RASGEF1B: variants seen among roughly 807,000 people sequenced by gnomAD.
RASGEF1B encodes the protein RasGEF domain family member 1B.
Under a neutral mutation model 65.7 loss-of-function variants are expected in RASGEF1B, and 30 were observed. That is an observed-to-expected ratio of 0.46 (90% CI 0.34 to 0.62). The LOEUF (loss-of-function observed/expected upper bound fraction) is 0.62, where lower values mean the gene tolerates loss of function less well. Among genes scored for constraint, RASGEF1B ranks in the 20% least tolerant of loss-of-function variants. RASGEF1B has a pLI of 0.01. For synonymous variants in RASGEF1B, 175 were observed against 194.8 expected, an observed-to-expected ratio of 0.90 and a Z score of 0.85; for missense variants, 495 against 580.1, an observed-to-expected ratio of 0.85 and a Z score of 1.51.
In RASGEF1B at chr4:81,445,821, C is replaced by T; in HGVS notation, c.747G>A (p.Arg249=). Residue 249 remains arginine (R), a synonymous_variant, in exon 7 of 14, where the codon CGG becomes CGA. Coordinates refer to ENST00000264400, the MANE Select transcript of RASGEF1B (RefSeq NM_152545.3). ...LDNDKSCYSE[R]KKTRNLEAYV... ...AAGCTTCTAAGTTTCGTGTTTTCTT[C>T]CGTTCACTGTAGCAACTCTTTAGAG... 1.2e-6 allele frequency: 2 copies of T among 1,613,856 alleles called. 1 individual carries two copies. The highest frequency in any genetic ancestry group is 1.7e-6 in the Non-Finnish European group (2 of 1,179,806).
intron 4 of RASGEF1B, 197 bp downstream of exon 4, chr4:81,456,454 G>T (rs1321321409): frequency 1.4e-6 from 1 of 703,954 alleles, no homozygotes; most frequent in Non-Finnish European, 2.6e-6. Flanking sequence ...TAAAACTCTA[G>T]ATCATATCCC....
chr4:81,457,225 AG>A (rs978192119), intron 3 of RASGEF1B, among the ~76,000 whole-genome samples: 5 of 152,168 alleles, frequency 3.3e-5, no homozygotes, highest in African/African-American at 1.2e-4. Flanking sequence ...CACGTTGGCC[AG>A]GCTGGTCTCA....
chr4:81,467,165 C>T (rs555715330), intron 1 of RASGEF1B, among the ~76,000 whole-genome samples: 5 of 152,176 alleles, frequency 3.3e-5, no homozygotes, highest in Admixed American at 6.5e-5. Context: ...CTATTTCTCT[C>T]GCAATGAAAC....
intron 4 of RASGEF1B, among the ~76,000 whole-genome samples, chr4:81,450,603 C>T (rs1370229544): frequency 6.6e-6 from 1 of 151,958 alleles, no homozygotes; most frequent in African/African-American, 2.4e-5. Flanking sequence ...TGGGGTTTTG[C>T]CATGTTAGCA....
At chr4:81,434,606 T>C (rs1409017150) in intron 11 of RASGEF1B, 33 bp downstream of exon 11, 3 of 1,326,294 alleles carry the variant, frequency 2.3e-6, no homozygotes, top group African/African-American at 2.9e-5. Context: ...CTCCTTGTGC[T>C]TGGATTTTTG....
At chr4:81,434,805 T>C in intron 10 of RASGEF1B, 71 bp from the exon 11 acceptor site, 1 of 758,652 alleles carries the variant, frequency 1.3e-6, no homozygotes, top group Non-Finnish European at 2.3e-6. Context: ...ATACACAAGA[T>C]TAATGAACAA....
At chr4:81,458,372 G>A (rs1722525161) in intron 2 of RASGEF1B, among the ~76,000 whole-genome samples, 1 of 152,130 alleles carries the variant, frequency 6.6e-6, no homozygotes, top group African/African-American at 2.4e-5. Context: ...GGCTGAACAA[G>A]GGATTCCTTT....
chr4:81,459,298 C>T, intron 2 of RASGEF1B, 34 bp downstream of exon 2: 1 of 1,500,114 alleles, frequency 6.7e-7, no homozygotes, highest in East Asian at 2.3e-5. Context: ...TACTCATTGC[C>T]AAGGATGTGT....
rs1307222634 is a variant in RASGEF1B at position 81,457,586 on chromosome 4, C to T, written c.213G>A (p.Arg71=). ...TTAGCTCATACGGATGCATAAATAA[C>T]CGAGAACTGAGTAGGAAGGTAAATA... The part of the protein sequence containing the change: ...TYIFTFLLSS[R]LFMHPYELMA... Residue 71 remains arginine (R), a synonymous_variant, in exon 3 of 14, where the codon CGG becomes CGA. Coordinates refer to ENST00000264400, the MANE Select transcript of RASGEF1B (RefSeq NM_152545.3). 1.9e-6 allele frequency: 3 copies of T among 1,614,050 alleles called. No individual in the cohort carries two copies. In the Admixed American group the frequency reaches 5.0e-5, roughly 27 times the overall value.
chr4:81,429,660 G>T (rs956440901), intron 13 of RASGEF1B, among the ~76,000 whole-genome samples: 3 of 152,226 alleles, frequency 2.0e-5, no homozygotes, highest in Non-Finnish European at 4.4e-5. Context: ...GAACACATCT[G>T]CTGAAGAAGA....
chr4:81,468,998 A>G (rs986987491), intron 1 of RASGEF1B, among the ~76,000 whole-genome samples: 10 of 152,198 alleles, frequency 6.6e-5, no homozygotes, highest in African/African-American at 2.4e-4. Context: ...GCACTAGGCT[A>G]TAACATCTGT....
At chr4:81,456,232 A>G in intron 4 of RASGEF1B, 1 of 467,854 alleles carries the variant, frequency 2.1e-6, no homozygotes, top group East Asian at 3.6e-5. Flanking sequence ...TTTATGATTT[A>G]TTAATCTACT....
chr4:81,471,511 C>A (rs1477725710), intron 1 of RASGEF1B, among the ~76,000 whole-genome samples: 1 of 152,208 alleles, frequency 6.6e-6, no homozygotes, highest in African/African-American at 2.4e-5. Flanking sequence ...TCCCAGGTAC[C>A]CGCAGCGGCC....
intron 8 of RASGEF1B, among the ~76,000 whole-genome samples, chr4:81,445,256 T>C (rs974206914): frequency 1.3e-5 from 2 of 152,228 alleles, no homozygotes; most frequent in Non-Finnish European, 2.9e-5. Context: ...AAACTCTTTA[T>C]GTAGACAAAT....
intron 1 of RASGEF1B, among the ~76,000 whole-genome samples, chr4:81,466,003 G>C (rs1406141357): frequency 1.3e-5 from 2 of 152,184 alleles, no homozygotes; most frequent in Non-Finnish European, 2.9e-5. Context: ...CCAATGCCTT[G>C]ATGTTGACCA....
intron 1 of RASGEF1B, among the ~76,000 whole-genome samples, chr4:81,469,873 T>G (rs1022189088): frequency 6.6e-6 from 1 of 152,182 alleles, no homozygotes; most frequent in Non-Finnish European, 1.5e-5. Context: ...ATTCTAAGAA[T>G]GTAACACTTC....
At chr4:81,445,119 A>G (rs1721972712) in intron 8 of RASGEF1B, among the ~76,000 whole-genome samples, 1 of 152,230 alleles carries the variant, frequency 6.6e-6, no homozygotes, top group Non-Finnish European at 1.5e-5. Flanking sequence ...GATAAGTACT[A>G]GAAGCCTGAA....
Position 81,439,951 on chromosome 4 carries a change from G to C in RASGEF1B, c.1104+883C>G, listed in dbSNP as rs372628600. Among the ~76,000 whole-genome samples the C allele has an allele frequency of 1.1e-3, 162 of 152,218 alleles. 1 individual carries two copies. Among genetic ancestry groups the C allele is most frequent in the Admixed American group, 2.7e-3 (42 of 15,300 alleles). The stretch of plus-strand genomic sequence containing the variant: ...CCAAGTTCGCATTTATTAAAGGTGG[G>C]GTTTTGTGTTTATTTTTATTTCAGA... On this transcript the variant is annotated intron_variant, in intron 10 of 13. Transcript: ENST00000264400.
intron 4 of RASGEF1B, 61 bp downstream of exon 4, chr4:81,456,590 C>T (rs1278812446): frequency 3.1e-6 from 5 of 1,596,578 alleles, no homozygotes; most frequent in Non-Finnish European, 4.3e-6. Context: ...AATTCGGCAC[C>T]ATTTCCCACC....
Sources: allele counts gnomAD v4.1 joint callset (sites outside exome capture counted in the v4.1 genomes callset), GRCh38; gene constraint gnomAD v4.1.1; transcripts MANE v1.5; gene names NCBI Gene and HGNC (gene_info 2026-07-23, HGNC 2026-07-21).